The following FAM187B variants were observed in gnomAD, a reference collection of about 807,000 sequenced individuals.
The protein encoded by FAM187B is family with sequence similarity 187 member B, also known as protein FAM187B.
Under a neutral mutation model 22.6 loss-of-function variants are expected in FAM187B, and 22 were observed. That is an observed-to-expected ratio of 0.97 (90% CI 0.70 to 1.39). The LOEUF (loss-of-function observed/expected upper bound fraction) is 1.39, where lower values mean the gene tolerates loss of function less well. Among genes scored for constraint, FAM187B ranks in the 40% most tolerant of loss-of-function variants. The pLI is 0.00. For synonymous variants in FAM187B, 192 were observed against 201.8 expected, an observed-to-expected ratio of 0.95 and a Z score of 0.41; for missense variants, 433 against 462.1, an observed-to-expected ratio of 0.94 and a Z score of 0.58.
chr19:35,228,242 G>C lies in FAM187B; in HGVS notation c.439C>G (p.Pro147Ala). 6.2e-7 allele frequency: 1 copy of C among 1,614,210 alleles called. No homozygotes were observed. The highest frequency in any genetic ancestry group is 8.5e-7 in the Non-Finnish European group (1 of 1,180,044). Reference sequence around the variant, plus strand: ...TCACAGCGGTTGCAGTCCTGCCAGGGCTCCCACCAGGTAAAAATGAGCTGT... The same window carrying C: ...TCACAGCGGTTGCAGTCCTGCCAGGCCTCCCACCAGGTAAAAATGAGCTGT... Reference protein sequence around the residue: ...SKQLIFTWWEPWQDCNRCEEP... With the variant: ...SKQLIFTWWEAWQDCNRCEEP... Residue 147 changes from proline to alanine, a missense_variant, in exon 1 of 2, where the codon CCC (proline) becomes GCC (alanine). Transcript: ENST00000324675.
chr19:35,227,854 G>A, intron 1 of FAM187B, 105 bp downstream of exon 1: 1 of 1,489,482 alleles, frequency 6.7e-7, no homozygotes, highest in Non-Finnish European at 9.0e-7. Context: ...ACCACTACGT[G>A]GCTGAACTGC....
intron 1 of FAM187B, among the ~76,000 whole-genome samples, chr19:35,225,985 T>TAG (rs2065660512): frequency 1.3e-5 from 2 of 152,164 alleles, no homozygotes; most frequent in African/African-American, 4.8e-5. Context: ...GCTGCTCTCC[T>TAG]AGATGTTCCT....
chr19:35,227,788 C>A (rs1007762633), intron 1 of FAM187B, among the ~76,000 whole-genome samples, 171 bp downstream of exon 1: 1 of 152,224 alleles, frequency 6.6e-6, no homozygotes, highest in African/African-American at 2.4e-5. Context: ...CTCGCACCAC[C>A]CTGGGCTGTG....
At chr19:35,227,860 A>G (rs760358400) in intron 1 of FAM187B, 99 bp downstream of exon 1, 7 of 1,503,218 alleles carry the variant, frequency 4.7e-6, no homozygotes, top group Non-Finnish European at 3.6e-6. Context: ...ACGTGGCTGA[A>G]CTGCAAAGAA....
chr19:35,225,396 T>C (rs533308259), intron 1 of FAM187B, among the ~76,000 whole-genome samples, 184 bp from the exon 2 acceptor site: 4 of 152,048 alleles, frequency 2.6e-5, no homozygotes, highest in Admixed American at 1.3e-4. Context: ...CACCCGTTAC[T>C]GGCCCCACCC....
Position 35,228,196 on chromosome 19 carries a change from C to G in FAM187B, c.485G>C (p.Arg162Pro). Residue 162 changes from arginine to proline, a missense_variant, in exon 1 of 2, where the codon CGC becomes CCC. Physicochemically the swap from Arg to Pro is moderately radical, Grantham distance 103. Transcript: ENST00000324675. Reference protein sequence around the residue: ...NRCEEPGECKRLGYRYIEEPL... With the variant: ...NRCEEPGECKPLGYRYIEEPL... ...CTCCTCAATGTAGCGGTACCCCAGG[C>G]GTTTACACTCGCCCGGCTCCTCACA... is the stretch of plus-strand genomic sequence containing the variant. 1 of 1,614,126 alleles carries G rather than the reference C, an allele frequency of 6.2e-7. No homozygotes were observed.
At chr19:35,226,265 C>T (rs906322015) in intron 1 of FAM187B, among the ~76,000 whole-genome samples, 20 of 152,116 alleles carry the variant, frequency 1.3e-4, no homozygotes, top group African/African-American at 4.3e-4. Context: ...GGAGTTTGGG[C>T]TCAGCCTGGG....
chr19:35,226,221 T>C (rs1297946149), intron 1 of FAM187B, among the ~76,000 whole-genome samples: 1 of 151,568 alleles, frequency 6.6e-6, no homozygotes, highest in East Asian at 1.9e-4. Flanking sequence ...CCCAGCACTT[T>C]GGGAGGCCGA....
chr19:35,225,202 A>G lies in FAM187B; in HGVS notation c.733T>C (p.Trp245Arg). 6.7e-7 allele frequency: 1 copy of G among 1,497,758 alleles called. No individual in the cohort carries two copies. Among genetic ancestry groups the G allele is most frequent in the Non-Finnish European group, 8.9e-7 (1 of 1,122,308 alleles). 92.8% of individuals were successfully genotyped at this position (1,497,758 alleles called of 1,614,324 possible). A position where few individuals can be genotyped will look rare whatever the true frequency, so the allele number is the denominator to read the frequency against. Residue 245 changes from tryptophan (W) to arginine (R), a missense_variant, in exon 2 of 2, where the codon TGG (tryptophan) becomes CGG (arginine). Transcript: ENST00000324675. Reference protein sequence around the residue: ...PLGSMYRPVNWRANDTPLTWE... With the variant: ...PLGSMYRPVNRRANDTPLTWE... ...GTCAGGGGGGTGTCGTTGGCACGCC[A>G]GTTGACGGGCCTGCGAGGAGGACAA...
In FAM187B at chr19:35,228,554, A is replaced by T; in HGVS notation, c.127T>A (p.Tyr43Asn). The change falls in exon 1 of 2, where the codon TAT becomes AAT. Residue 43 changes from tyrosine (Y) to asparagine (N), a missense_variant. Coordinates refer to ENST00000324675, the MANE Select transcript of FAM187B (RefSeq NM_152481.2). ...ALLSGNDILL[Y>N]CNSSGAHWYY... ...CAGTGCGCCCCCGAGGAGTTGCAATACAGGAGAATATCATTGCCTGAGAGT... is the reference window on the plus strand; with the variant it reads ...CAGTGCGCCCCCGAGGAGTTGCAATTCAGGAGAATATCATTGCCTGAGAGT... 1 of 1,614,174 alleles carries T rather than the reference A, an allele frequency of 6.2e-7. No homozygotes were observed. Among genetic ancestry groups the T allele is most frequent in the Non-Finnish European group, 8.5e-7 (1 of 1,180,038 alleles).
chr19:35,225,460 G>A (rs1311003930), intron 1 of FAM187B, among the ~76,000 whole-genome samples: 1 of 152,098 alleles, frequency 6.6e-6, no homozygotes, highest in African/African-American at 2.4e-5. Flanking sequence ...ACCCCTTACT[G>A]GCTGGGTGAC....
intron 1 of FAM187B, 120 bp downstream of exon 1, chr19:35,227,839 T>C: frequency 1.4e-6 from 2 of 1,436,186 alleles, no homozygotes; most frequent in Non-Finnish European, 1.9e-6. Context: ...GGCACTGTCC[T>C]GATGACCACT....
Position 35,228,490 on chromosome 19 carries a change from G to C in FAM187B, c.191C>G (p.Thr64Ser). ...CATATTGGAAATATTGGTGAGGCTG[G>C]TGAGCCTGCCCTTCTTGCCTTGTGT... ...LFTQGKKGRL[T>S]SLTNISNMEI... The change falls in exon 1 of 2, where the codon ACC (threonine) becomes AGC (serine). Residue 64 changes from threonine to serine, a missense_variant. Thr to Ser is a moderately conservative substitution (Grantham distance 58). Transcript: ENST00000324675. 6.2e-7 allele frequency: 1 copy of C among 1,614,228 alleles called. No homozygotes were observed. The highest frequency in any genetic ancestry group is 8.5e-7 in the Non-Finnish European group (1 of 1,180,052).
Position 35,228,646 on chromosome 19 carries a change from G to C in FAM187B, c.35C>G (p.Ala12Gly), listed in dbSNP as rs769337945. ...PPMLWLLLHF[A>G]APALGFYFSI... ...AAAGTAGAACCCCAGTGCCGGGGCA[G>C]CAAAGTGGAGCAGCAGCCACAGCAT... is the stretch of plus-strand genomic sequence containing the variant. Residue 12 changes from alanine to glycine, a missense_variant, in exon 1 of 2, where the codon GCT becomes GGT. Ala to Gly is a moderately conservative substitution (Grantham distance 60). Coordinates refer to ENST00000324675, the MANE Select transcript of FAM187B (RefSeq NM_152481.2). The C allele has an allele frequency of 2.9e-5, 47 of 1,611,860 alleles. No individual in the cohort carries two copies. The East Asian group carries it at 1.0e-3, about 35-fold the overall frequency.
rs766431388 is a variant in FAM187B, at chr19:35,228,144, C to T, written c.537G>A (p.Trp179Ter). The change falls in exon 1 of 2, where the codon TGG becomes TGA. Residue 179 changes from tryptophan (W) to a stop codon, truncating the protein, a stop_gained. Coordinates refer to ENST00000324675, the MANE Select transcript of FAM187B (RefSeq NM_152481.2). LOFTEE classifies it high-confidence loss of function. ...ACACCAGCACCTCTCCCAGATAGAG[C>T]CAGCAGGGCATGGCTTCCTCCAGAG... Reference protein sequence around the residue: ...EEPLEEAMPCWLYLGEVLVWS... With the variant: ...EEPLEEAMPC 4.3e-6 allele frequency: 7 copies of T among 1,614,102 alleles called. No individual in the cohort carries two copies. Among genetic ancestry groups the T allele is most frequent in the East Asian group, 2.2e-5 (1 of 44,894 alleles).
rs2065667167 is a variant in FAM187B, at chr19:35,228,087, C to T, written c.594G>A (p.Val198=). The T allele has an allele frequency of 6.2e-7, 1 of 1,614,248 alleles. No homozygotes were observed. Among genetic ancestry groups the T allele is most frequent in the Non-Finnish European group, 8.5e-7 (1 of 1,180,052 alleles). ...TGGTGCACTGGACGTGGCAGGCTTC[C>T]ACCTGCAGCTCAGGCCGCAAGCGGC... ...WSSRLRPELQ[V]EACHVQCTNN... is the part of the protein sequence containing the mutation. The change falls in exon 1 of 2, where the codon GTG becomes GTA. Residue 198 remains valine (V), a synonymous_variant. Coordinates refer to ENST00000324675, the MANE Select transcript of FAM187B (RefSeq NM_152481.2).
rs370987415 is a variant in FAM187B, at chr19:35,228,234, C to T, written c.447G>A (p.Gln149=). 6 of 1,614,082 alleles carry T rather than the reference C, an allele frequency of 3.7e-6. No homozygotes were observed. The highest frequency in any genetic ancestry group is 3.3e-5 in the Admixed American group (2 of 60,004). Residue 149 remains glutamine, a synonymous_variant, in exon 1 of 2, where the codon CAG becomes CAA. Transcript: ENST00000324675. The part of the protein sequence containing the change: ...QLIFTWWEPW[Q]DCNRCEEPGE... ...CCGGCTCCTCACAGCGGTTGCAGTCCTGCCAGGGCTCCCACCAGGTAAAAA... is the reference window on the plus strand; with the variant it reads ...CCGGCTCCTCACAGCGGTTGCAGTCTTGCCAGGGCTCCCACCAGGTAAAAA...
Position 35,228,737 on chromosome 19 carries a change from C to T in FAM187B, c.-57G>A, listed in dbSNP as rs565126685. The T allele has an allele frequency of 4.5e-6, 7 of 1,541,008 alleles. No individual in the cohort carries two copies. The African/African-American group carries it at 5.4e-5, about 12-fold the overall frequency. Reference sequence around the variant, plus strand: ...CCACCCCGAACATTGTGAGGTCACCCATGAACTCTGGCCTCAGCCCTGGGC... The same window carrying T: ...CCACCCCGAACATTGTGAGGTCACCTATGAACTCTGGCCTCAGCCCTGGGC... On this transcript the variant is annotated 5_prime_UTR_variant, in exon 1 of 2. It removes an upstream start codon present in the reference 5' UTR. Transcript: ENST00000324675.
chr19:35,224,873 G>A lies in FAM187B; in HGVS notation c.1062C>T (p.Ile354=), dbSNP rs1438566399. The part of the protein sequence containing the change: ...LALLGALLKC[I]HPSPGRRSTQ... ...TGCTTCTCCTGCCCGGGGAAGGGTG[G>A]ATGCACTTGAGCAGCGCCCCCAGCA... Residue 354 remains isoleucine, a synonymous_variant, in exon 2 of 2, where the codon ATC becomes ATT. Coordinates refer to ENST00000324675, the MANE Select transcript of FAM187B (RefSeq NM_152481.2). 2 of 1,613,768 alleles carry A rather than the reference G, an allele frequency of 1.2e-6. No homozygotes were observed. Among genetic ancestry groups the A allele is most frequent in the Non-Finnish European group, 1.7e-6 (2 of 1,179,850 alleles).
Sources: gnomAD v4.1 joint callset for allele counts (sites outside exome capture counted in the v4.1 genomes callset) on GRCh38, gnomAD v4.1.1 for gene constraint, MANE v1.5 for transcripts, NCBI Gene and HGNC (gene_info 2026-07-23, HGNC 2026-07-21) for gene names.